The following TEX51 variants were observed in gnomAD, a reference collection of about 807,000 sequenced individuals.
TEX51 encodes testis-expressed protein 51.
TEX51 carries 14 observed loss-of-function variants against 8.0 expected under a neutral mutation model. That is an observed-to-expected ratio of 1.76 (90% CI 1.16 to 2.75). The LOEUF is 2.75. Among genes scored for constraint, TEX51 ranks in the 30% most tolerant of loss-of-function variants. TEX51 has a pLI of 0.00. For missense variants in TEX51, 142 were observed against 77.4 expected (o/e 1.83, Z -3.13); for synonymous variants, 58 against 28.6 (o/e 2.03, Z -3.29).
At chr2:126,901,603 G>T (rs1235439049) in intron 6 of TEX51, 199 bp downstream of exon 6, 5 of 600,094 alleles carry the variant, frequency 8.3e-6, no homozygotes, top group Non-Finnish European at 1.5e-5. Context: ...GGGGCCAGGG[G>T]CCCAGGACAC....
At position 126,899,970 on chromosome 2, in the gene TEX51, T is replaced by C; in HGVS notation, c.345T>C (p.Ala115=). 1 of 701,792 alleles carries C rather than the reference T, an allele frequency of 1.4e-6. No homozygotes were observed. The highest frequency in any genetic ancestry group is 2.7e-5 in the East Asian group (1 of 37,264). 43.5% of individuals were successfully genotyped at this position (701,792 alleles called of 1,614,324 possible). A position where few individuals can be genotyped will look rare whatever the true frequency, so the allele number is the denominator to read the frequency against. Residue 115 remains alanine (A), a synonymous_variant, in exon 4 of 7, where the codon GCT becomes GCC. Transcript: ENST00000568484. ...CCACACTGAAGGTCACCAGCTGTGC[T>C]GACTGCAGGACTCACTTCCTCTCCT... The part of the protein sequence containing the change: ...IQSTLKVTSC[A]DCRTHFLSCN...
rs746873517 is a variant in TEX51, at chr2:126,898,967, A to T, written c.49A>T (p.Asn17Tyr). 8.0e-5 allele frequency: 56 copies of T among 701,470 alleles called. No homozygotes were observed. The highest frequency in any genetic ancestry group is 5.3e-4 in the Middle Eastern group (2 of 3,750). 43.5% of individuals were successfully genotyped at this position (701,470 alleles called of 1,614,324 possible). A position where few individuals can be genotyped will look rare whatever the true frequency, so the allele number is the denominator to read the frequency against. ...TCTCCTGCCTGCCATTGAAGGGAAG[A>T]ACTGCCTCCGCTGCTGGCCAGAACT... The part of the protein sequence containing the change: ...ICLLPAIEGK[N>Y]CLRCWPELSA... The change falls in exon 1 of 7, where the codon AAC becomes TAC. Residue 17 changes from asparagine (N) to tyrosine (Y), a missense_variant. Transcript: ENST00000568484.
At position 126,902,030 on chromosome 2, in the gene TEX51, T is replaced by C; in HGVS notation, c.*161T>C. ...CTCTGAGGCCTAGGAGACTGCGCTG[T>C]CTCGTGGTTTGCCTACTCCTACACC... is the stretch of plus-strand genomic sequence containing the variant. On this transcript the variant is annotated 3_prime_UTR_variant, in exon 7 of 7. Coordinates refer to ENST00000568484, the MANE Select transcript of TEX51 (RefSeq NM_001322244.2). 1.9e-6 allele frequency: 1 copy of C among 517,312 alleles called. No individual in the cohort carries two copies. The highest frequency in any genetic ancestry group is 2.0e-5 in the African/African-American group (1 of 49,984). 32.0% of individuals were successfully genotyped at this position (517,312 alleles called of 1,614,324 possible).
intron 6 of TEX51, 135 bp from the exon 7 acceptor site, chr2:126,901,737 G>A (rs934021848): frequency 1.7e-6 from 1 of 571,850 alleles, no homozygotes. Flanking sequence ...GGGACCATTA[G>A]CATGGCTGCC....
intron 2 of TEX51, 102 bp downstream of exon 2, chr2:126,899,393 G>A (rs1367416366): frequency 5.8e-6 from 4 of 689,216 alleles, no homozygotes; most frequent in Non-Finnish European, 1.1e-5. Flanking sequence ...GGGAGGTCTT[G>A]TGAAGGTGGG....
chr2:126,901,517 G>A (rs999531937), intron 6 of TEX51, 113 bp downstream of exon 6: 53 of 664,752 alleles, frequency 8.0e-5, no homozygotes, highest in African/African-American at 6.1e-4. Context: ...GGGGTCTGGC[G>A]TGCAGAACAG....
chr2:126,899,322 G>A (rs945008120), intron 2 of TEX51, 31 bp downstream of exon 2: 1 of 702,066 alleles, frequency 1.4e-6, no homozygotes, highest in South Asian at 1.5e-5. Flanking sequence ...AGGGCCTTGG[G>A]GCTTGGGTTG....
intron 3 of TEX51, 156 bp from the exon 4 acceptor site, chr2:126,899,780 G>A: frequency 1.4e-6 from 1 of 702,076 alleles, no homozygotes; most frequent in South Asian, 1.5e-5. Context: ...GAACCCCTTG[G>A]CTCTGTCTGC....
At chr2:126,901,307 C>T in intron 5 of TEX51, 29 bp downstream of exon 5, 1 of 701,204 alleles carries the variant, frequency 1.4e-6, no homozygotes, top group South Asian at 1.5e-5. Context: ...CAAGCCCCAG[C>T]ATCCCCAGGG....
chr2:126,901,216 A>G lies in TEX51; in HGVS notation c.401A>G (p.Asn134Ser), dbSNP rs1268633673. Residue 134 changes from asparagine to serine, a missense_variant, in exon 5 of 7, where the codon AAC (asparagine) becomes AGC (serine). Transcript: ENST00000568484. ...TTCCTCTTTCACACCCCAGCCAGGA[A>G]CCGGCGGACCTCCCTGTGGGCTGTG... ...CNDPTFCPAR[N>S]RRTSLWAVSL... is the part of the protein sequence containing the mutation. The G allele has an allele frequency of 1.5e-6, 1 of 656,444 alleles. No homozygotes were observed. The highest frequency in any genetic ancestry group is 2.8e-6 in the Non-Finnish European group (1 of 358,028). The allele number at this position is 656,444 out of a possible 1,614,324, so 40.7% of individuals were successfully genotyped here.
chr2:126,901,570 G>A, intron 6 of TEX51, 166 bp downstream of exon 6: 1 of 609,560 alleles, frequency 1.6e-6, no homozygotes, highest in East Asian at 2.7e-5. Flanking sequence ...CCACTCATCA[G>A]CCTCCATATA....
At chr2:126,901,848 G>C (rs1680349495) in intron 6 of TEX51, 24 bp from the exon 7 acceptor site, 2 of 592,744 alleles carry the variant, frequency 3.4e-6, no homozygotes, top group Non-Finnish European at 6.0e-6. Flanking sequence ...GGGTAGAAAT[G>C]CCCAGCTTCT....
chr2:126,899,869 G>T (rs754509567), intron 3 of TEX51, 67 bp from the exon 4 acceptor site: 1 of 702,196 alleles, frequency 1.4e-6, no homozygotes, highest in South Asian at 1.5e-5. Flanking sequence ...TATGCATGGG[G>T]ACTGGGCCTG....
chr2:126,901,728 G>A, intron 6 of TEX51, 144 bp from the exon 7 acceptor site: 1 of 570,798 alleles, frequency 1.8e-6, no homozygotes, highest in South Asian at 2.3e-5. Context: ...TGACCCACAG[G>A]GACCATTAGC....
chr2:126,899,849 C>T (rs1249942145), intron 3 of TEX51, 87 bp from the exon 4 acceptor site: 1 of 702,268 alleles, frequency 1.4e-6, no homozygotes, highest in Non-Finnish European at 2.6e-6. Flanking sequence ...GCAATGAGTC[C>T]TGTGGTGAGT....
chr2:126,901,785 C>A, intron 6 of TEX51, 87 bp from the exon 7 acceptor site: 1 of 568,786 alleles, frequency 1.8e-6, no homozygotes. Context: ...CCAGGGGAGA[C>A]TCCCAGGAGG....
rs1680188581 is a variant in TEX51 at position 126,899,260 on chromosome 2, A to G, written c.189A>G (p.Gln63=). 1.4e-6 allele frequency: 1 copy of G among 702,068 alleles called. No homozygotes were observed. The highest frequency in any genetic ancestry group is 1.7e-5 in the African/African-American group (1 of 57,190). The allele number at this position is 702,068 out of a possible 1,614,324, so 43.5% of individuals were successfully genotyped here. ...AAGAAACAGCCAAATTCTTCACTCA[A>G]GTACACCAAGCCATTAAAACGTTAC... is the stretch of plus-strand genomic sequence containing the variant. ...LEEETAKFFT[Q]VHQAIKTLRD... The change falls in exon 2 of 7, where the codon CAA becomes CAG. Residue 63 remains glutamine, a synonymous_variant. Coordinates refer to ENST00000568484, the MANE Select transcript of TEX51 (RefSeq NM_001322244.2).
intron 3 of TEX51, 60 bp downstream of exon 3, chr2:126,899,672 G>A (rs1049956736): frequency 1.0e-5 from 7 of 693,920 alleles, no homozygotes; most frequent in East Asian, 2.7e-5. Flanking sequence ...CAAGACCCAA[G>A]GCATGCAGAT....
intron 2 of TEX51, 62 bp downstream of exon 2, chr2:126,899,353 G>C (rs555987270): frequency 1.4e-6 from 1 of 700,376 alleles, no homozygotes; most frequent in Non-Finnish European, 2.6e-6. Flanking sequence ...ACCCTCCAAG[G>C]CATTCTCAGA....
Sources: gnomAD v4.1 joint callset for allele counts on GRCh38, gnomAD v4.1.1 for gene constraint, MANE v1.5 for transcripts, NCBI Gene and HGNC (gene_info 2026-07-23, HGNC 2026-07-21) for gene names.